AFG2A: variants seen among roughly 807,000 people sequenced by gnomAD.
The protein encoded by AFG2A is AAA ATPase AFG2A, also known as ATPase family gene 2 protein homolog A.
chr4:122,993,509 G>A, the AFG2A span, among the ~76,000 whole-genome samples: 2 of 151,828 alleles, frequency 1.3e-5, no homozygotes. Flanking sequence ...CCATACCATT[G>A]TTATAAAGAT....
chr4:123,271,840 T>G, the AFG2A span, among the ~76,000 whole-genome samples: 1 of 146,074 alleles, frequency 6.8e-6, no homozygotes, highest in Non-Finnish European at 1.5e-5. Context: ...CAGTTAAAAT[T>G]TTCCCCTGAG....
At chr4:123,145,419 A>G in the AFG2A span, among the ~76,000 whole-genome samples, 1 of 152,092 alleles carries the variant, frequency 6.6e-6, no homozygotes, top group Non-Finnish European at 1.5e-5. Flanking sequence ...CTCACTGGTT[A>G]TATGACAAAT....
At chr4:123,264,098 A>G in the AFG2A span, among the ~76,000 whole-genome samples, 1 of 152,220 alleles carries the variant, frequency 6.6e-6, no homozygotes. Flanking sequence ...TTCTAAGTGA[A>G]GTAACTCAGA....
At chr4:123,285,074 C>T in the AFG2A span, among the ~76,000 whole-genome samples, 1 of 152,060 alleles carries the variant, frequency 6.6e-6, no homozygotes, top group African/African-American at 2.4e-5. Flanking sequence ...CCTCTACTTC[C>T]TCACTCATAA....
the AFG2A span, among the ~76,000 whole-genome samples, chr4:122,927,247 C>T: frequency 3.4e-3 from 519 of 152,284 alleles, 3 homozygotes; most frequent in Middle Eastern, 0.014. Context: ...ACTTAATCCT[C>T]TAGAGCCAGA....
At chr4:122,967,648 A>G in the AFG2A span, among the ~76,000 whole-genome samples, 4 of 152,122 alleles carry the variant, frequency 2.6e-5, no homozygotes, top group Admixed American at 6.5e-5. Flanking sequence ...GGATTTCTGT[A>G]TAGAAAATTC....
chr4:123,037,259 C>T, the AFG2A span, among the ~76,000 whole-genome samples: 1 of 150,390 alleles, frequency 6.6e-6, no homozygotes, highest in African/African-American at 2.5e-5. Context: ...AATAATGAAG[C>T]ACAGTAAAAA....
the AFG2A span, among the ~76,000 whole-genome samples, chr4:123,270,274 TC>T: frequency 6.6e-6 from 1 of 152,206 alleles, no homozygotes; most frequent in Non-Finnish European, 1.5e-5. Flanking sequence ...AATTGAATCT[TC>T]CTGTGCACCA....
chr4:123,091,394 A>G, the AFG2A span, among the ~76,000 whole-genome samples: 2 of 152,236 alleles, frequency 1.3e-5, no homozygotes, highest in South Asian at 2.1e-4. Flanking sequence ...TAACTCTTCA[A>G]TATCTACTCC....
At chr4:123,057,242 A>T in the AFG2A span, 1 of 1,613,830 alleles carries the variant, frequency 6.2e-7, no homozygotes. Context: ...GGCGCCTTCC[A>T]TTATTTTCTT....
the AFG2A span, among the ~76,000 whole-genome samples, chr4:122,966,003 G>C: frequency 6.6e-6 from 1 of 152,172 alleles, no homozygotes; most frequent in African/African-American, 2.4e-5. Context: ...AGTTGTGCCT[G>C]AGCTAGTTAA....
chr4:123,233,279 G>T, the AFG2A span, among the ~76,000 whole-genome samples: 1 of 147,014 alleles, frequency 6.8e-6, no homozygotes, highest in Admixed American at 6.8e-5. Context: ...ACACACACAC[G>T]CACACACACA....
chr4:123,188,740 A>G, the AFG2A span, among the ~76,000 whole-genome samples: 52 of 152,316 alleles, frequency 3.4e-4, 1 homozygote, highest in African/African-American at 1.2e-3. Context: ...TGTTTTATCT[A>G]TTATAAATAG....
At chr4:123,170,985 C>T in the AFG2A span, among the ~76,000 whole-genome samples, 2 of 152,148 alleles carry the variant, frequency 1.3e-5, no homozygotes, top group Non-Finnish European at 2.9e-5. Context: ...ATGATTCAAA[C>T]AGTTAGAACG....
the AFG2A span, among the ~76,000 whole-genome samples, chr4:123,039,430 CCACCCCTAA>C: frequency 6.6e-6 from 1 of 151,958 alleles, no homozygotes; most frequent in Non-Finnish European, 1.5e-5. Flanking sequence ...AAATTTCTTA[CCACCCCTAA>C]CCCCTCAACA....
the AFG2A span, among the ~76,000 whole-genome samples, chr4:122,945,267 T>TC: frequency 2.6e-5 from 4 of 152,248 alleles, no homozygotes; most frequent in African/African-American, 9.6e-5. Flanking sequence ...CAGGCAGGCT[T>TC]CCTTGAGCTG....
the AFG2A span, among the ~76,000 whole-genome samples, chr4:123,226,416 C>A: frequency 3.9e-5 from 6 of 152,184 alleles, no homozygotes; most frequent in Middle Eastern, 3.4e-3. Context: ...GAGTTTTTAG[C>A]ATGAAGGGTT....
At chr4:122,965,486 T>C in the AFG2A span, among the ~76,000 whole-genome samples, 2 of 152,224 alleles carry the variant, frequency 1.3e-5, no homozygotes, top group Non-Finnish European at 2.9e-5. Context: ...TTTGGCTCTC[T>C]AAAGCATTTT....
the AFG2A span, among the ~76,000 whole-genome samples, chr4:122,996,577 A>AT: frequency 7.1e-6 from 1 of 140,986 alleles, no homozygotes; most frequent in African/African-American, 2.7e-5. Context: ...AGGCAGATAG[A>AT]TAGATAGATA....
Sources: gnomAD v4.1 joint callset for allele counts (sites outside exome capture counted in the v4.1 genomes callset) on GRCh38, gnomAD v4.1.1 for gene constraint, MANE v1.5 for transcripts, NCBI Gene and HGNC (gene_info 2026-07-23, HGNC 2026-07-21) for gene names.